The following CSMD3 variants were observed in gnomAD, a reference collection of about 807,000 sequenced individuals.
CSMD3 encodes the protein CUB and Sushi multiple domains 3, also known as CUB and sushi domain-containing protein 3.
CSMD3 carries 177 observed loss-of-function variants against 435.2 expected under a neutral mutation model. The observed-to-expected ratio is 0.41, with a 90% CI of 0.36 to 0.46. The LOEUF (loss-of-function observed/expected upper bound fraction) is 0.46, where lower values mean the gene tolerates loss of function less well. Ranked by LOEUF, CSMD3 falls within the 20% of genes least tolerant of loss-of-function variation. The pLI is 0.34. For missense variants in CSMD3, 4,265 were observed against 4,504.6 expected (o/e 0.95, Z 1.52); for synonymous variants, 1,656 against 1,520.5 (o/e 1.09, Z -2.07).
chr8:113,169,910 G>C (rs773654035), intron 4 of CSMD3, among the ~76,000 whole-genome samples: 1 of 152,116 alleles, frequency 6.6e-6, no homozygotes, highest in Non-Finnish European at 1.5e-5. Flanking sequence ...CCAGCAGCAG[G>C]CAGTTAGTTG....
chr8:113,226,974 T>G (rs2132164196), intron 3 of CSMD3, among the ~76,000 whole-genome samples: 1 of 151,770 alleles, frequency 6.6e-6, no homozygotes, highest in East Asian at 1.9e-4. Context: ...TATCTACATT[T>G]ACCACTCACA....
intron 12 of CSMD3, among the ~76,000 whole-genome samples, chr8:112,823,160 G>C (rs910295225): frequency 6.6e-6 from 1 of 152,156 alleles, no homozygotes; most frequent in Non-Finnish European, 1.5e-5. Context: ...AAATGAGTTA[G>C]GGAGGAGTCC....
At chr8:112,751,575 G>T (rs954497078) in intron 13 of CSMD3, among the ~76,000 whole-genome samples, 7 of 149,824 alleles carry the variant, frequency 4.7e-5, no homozygotes, top group Non-Finnish European at 8.9e-5. Context: ...TGATTTTCAG[G>T]TAGTAAAATA....
At chr8:113,064,141 C>A (rs1185705266) in intron 5 of CSMD3, among the ~76,000 whole-genome samples, 2 of 151,678 alleles carry the variant, frequency 1.3e-5, no homozygotes, top group Non-Finnish European at 2.9e-5. Context: ...ATTATAGTTA[C>A]AATGACAGAA....
At chr8:112,691,140 ATAT>A (rs1361927821) in intron 13 of CSMD3, among the ~76,000 whole-genome samples, 11 of 152,234 alleles carry the variant, frequency 7.2e-5, no homozygotes, top group African/African-American at 2.6e-4. Flanking sequence ...TATACTGTCA[ATAT>A]TATTTTCTTT....
rs558843053 is a variant in CSMD3, at chr8:112,664,398, T to C, written c.2816+1879A>G. Among the ~76,000 whole-genome samples the C allele has an allele frequency of 3.9e-5, 6 of 152,256 alleles. No individual in the cohort carries two copies. In the East Asian group the frequency reaches 5.8e-4, roughly 15 times the overall value. On this transcript the variant is annotated intron_variant, in intron 17 of 70. Coordinates refer to ENST00000297405, the MANE Select transcript of CSMD3 (RefSeq NM_198123.2). ...GTTCAACATTCATGGAAAAACTATATTGGAAAAAGATTTAATGATGAATAA... is the reference window on the plus strand; with the variant it reads ...GTTCAACATTCATGGAAAAACTATACTGGAAAAAGATTTAATGATGAATAA...
intron 22 of CSMD3, among the ~76,000 whole-genome samples, chr8:112,626,635 T>C (rs1834498612): frequency 6.6e-6 from 1 of 152,140 alleles, no homozygotes; most frequent in South Asian, 2.1e-4. Flanking sequence ...TTTTAGGTAC[T>C]GTCAGTCTAT....
At chr8:113,401,310 A>T (rs2094509067) in intron 1 of CSMD3, among the ~76,000 whole-genome samples, 1 of 151,768 alleles carries the variant, frequency 6.6e-6, no homozygotes, top group African/African-American at 2.4e-5. Context: ...AATTAAAGAA[A>T]GAACAGATAA....
chr8:112,971,212 T>G (rs1157670156), intron 7 of CSMD3, among the ~76,000 whole-genome samples: 6 of 152,230 alleles, frequency 3.9e-5, no homozygotes, highest in Non-Finnish European at 7.3e-5. Context: ...TTGATTGTAT[T>G]GTTCATTCTC....
intron 3 of CSMD3, among the ~76,000 whole-genome samples, chr8:113,189,816 C>T (rs1434206584): frequency 1.3e-5 from 2 of 151,750 alleles, no homozygotes; most frequent in East Asian, 1.9e-4. Context: ...TGAACTCACA[C>T]AGGAGAACAT....
intron 22 of CSMD3, among the ~76,000 whole-genome samples, chr8:112,617,057 G>A (rs1248398518): frequency 6.6e-6 from 1 of 152,138 alleles, no homozygotes; most frequent in Admixed American, 6.6e-5. Context: ...CTGAAGATGA[G>A]CCTCACTTAT....
intron 3 of CSMD3, among the ~76,000 whole-genome samples, chr8:113,260,576 C>T (rs1320099696): frequency 1.3e-5 from 2 of 152,098 alleles, no homozygotes; most frequent in Admixed American, 1.3e-4. Context: ...GACATGTTAA[C>T]TTGTTAACTC....
chr8:112,590,323 A>G (rs1026709496), intron 22 of CSMD3, among the ~76,000 whole-genome samples: 2 of 152,070 alleles, frequency 1.3e-5, no homozygotes, highest in Non-Finnish European at 2.9e-5. Flanking sequence ...TAGCCAGGAA[A>G]GACTCTCTGA....
chr8:112,684,867 T>C lies in CSMD3; in HGVS notation c.2482+539A>G, dbSNP rs535247195. On this transcript the variant is annotated intron_variant, in intron 15 of 70. Transcript: ENST00000297405. ...TAGCAATCCATTGTGGTTTCACTAA[T>C]GTGAGTACTGTGGCTCAGTTATAAA... 4.6e-5 allele frequency among the ~76,000 whole-genome samples: 7 copies of C among 152,300 alleles called. No individual in the cohort carries two copies. The East Asian group carries it at 1.3e-3, about 29-fold the overall frequency.
At chr8:112,626,509 C>T (rs1289415748) in intron 22 of CSMD3, among the ~76,000 whole-genome samples, 1 of 151,852 alleles carries the variant, frequency 6.6e-6, no homozygotes, top group Non-Finnish European at 1.5e-5. Flanking sequence ...TCTATATACA[C>T]ACATATACAG....
At chr8:113,158,982 T>C (rs889206963) in intron 4 of CSMD3, among the ~76,000 whole-genome samples, 1 of 152,090 alleles carries the variant, frequency 6.6e-6, no homozygotes, top group African/African-American at 2.4e-5. Context: ...TACTCAAGCA[T>C]CTTTGAGATC....
intron 6 of CSMD3, among the ~76,000 whole-genome samples, chr8:113,015,505 A>T (rs2086422181): frequency 6.6e-6 from 1 of 151,974 alleles, no homozygotes; most frequent in African/African-American, 2.4e-5. Flanking sequence ...AATCAAGAAT[A>T]TAAAATTACT....
chr8:112,648,066 G>C (rs1158535197), intron 19 of CSMD3, among the ~76,000 whole-genome samples: 1 of 152,164 alleles, frequency 6.6e-6, no homozygotes, highest in Non-Finnish European at 1.5e-5. Flanking sequence ...ATGTTAGAGT[G>C]AAGCACACTG....
At chr8:112,906,313 T>C (rs1005689067) in intron 10 of CSMD3, among the ~76,000 whole-genome samples, 1 of 151,332 alleles carries the variant, frequency 6.6e-6, no homozygotes, top group East Asian at 2.0e-4. Flanking sequence ...GAATGACTAC[T>C]GTTTACATCA....
Sources: allele counts gnomAD v4.1 joint callset (sites outside exome capture counted in the v4.1 genomes callset), GRCh38; gene constraint gnomAD v4.1.1; transcripts MANE v1.5; gene names NCBI Gene and HGNC (gene_info 2026-07-23, HGNC 2026-07-21).